SPATA13: variants seen among roughly 807,000 people sequenced by gnomAD.
The protein encoded by SPATA13 is spermatogenesis associated 13, also known as spermatogenesis-associated protein 13.
A neutral mutation model predicts 104.0 loss-of-function variants in SPATA13; 50 were observed. The ratio of observed to expected loss-of-function variants is 0.48; its 90% CI spans 0.38 to 0.61. The LOEUF (loss-of-function observed/expected upper bound fraction) is 0.61, where lower values mean the gene tolerates loss of function less well. SPATA13 is among the 20% of genes least tolerant of loss of function. SPATA13 has a pLI of 0.00. For missense variants in SPATA13, 1,524 were observed against 1,690.6 expected, an observed-to-expected ratio of 0.90 and a Z score of 1.73; for synonymous variants, 606 against 667.5, an observed-to-expected ratio of 0.91 and a Z score of 1.42.
intron 2 of SPATA13, among the ~76,000 whole-genome samples, chr13:24,236,595 CAAAAAA>C (rs60473362): frequency 6.8e-5 from 8 of 118,178 alleles, no homozygotes; most frequent in Admixed American, 2.6e-4. Flanking sequence ...GACTCCATCT[CAAAAAA>C]AAAAAAAAAA....
rs567936919 is a variant in SPATA13, at chr13:24,060,791, G to A, written c.-112+43090G>A. ...AAAATGGACAAATGCGGCTGGGCAC[G>A]CTGGCTCATGCCTGTAATCCCAGTA... On this transcript the variant is annotated intron_variant, in intron 3 of 14. Transcript: ENST00000424834. Among the ~76,000 whole-genome samples the A allele has an allele frequency of 2.6e-5, 4 of 152,330 alleles. No homozygotes were observed. The East Asian group carries it at 7.7e-4, about 29-fold the overall frequency.
chr13:24,103,138 G>C (rs1593330715), intron 3 of SPATA13, among the ~76,000 whole-genome samples: 1 of 152,240 alleles, frequency 6.6e-6, no homozygotes, highest in East Asian at 1.9e-4. Context: ...AGAATCTCAT[G>C]AACTTCACTT....
rs575008681 is a variant in SPATA13 at position 24,208,322 on chromosome 13, C to T, written c.-111-14497C>T. On this transcript the variant is annotated intron_variant, in intron 1 of 12. Coordinates refer to ENST00000382108, the MANE Select transcript of SPATA13 (RefSeq NM_001166271.3). ...TGATAATAACCTGTGTTCCATATTC[C>T]TGTTAATTAGATGCAAAGTGGTTCC... 4.3e-4 allele frequency among the ~76,000 whole-genome samples: 65 copies of T among 152,304 alleles called. No individual in the cohort carries two copies. In the South Asian group the frequency reaches 0.011, roughly 27 times the overall value.
chr13:24,278,809 C>T (rs749509625), intron 4 of SPATA13: 8 of 1,598,914 alleles, frequency 5.0e-6, no homozygotes, highest in East Asian at 2.2e-5. Context: ...ATGTGCATCG[C>T]TATCATTTGA....
chr13:23,999,205 G>C (rs1374907332), intron 2 of SPATA13, among the ~76,000 whole-genome samples: 1 of 151,948 alleles, frequency 6.6e-6, no homozygotes, highest in Admixed American at 6.6e-5. Flanking sequence ...GGGATTACAG[G>C]CATGAGCCAC....
intron 1 of SPATA13, among the ~76,000 whole-genome samples, chr13:24,194,043 C>T (rs1366567507): frequency 6.6e-6 from 1 of 152,170 alleles, no homozygotes; most frequent in African/African-American, 2.4e-5. Context: ...CCCATCTTCC[C>T]AACTTTGCAT....
At chr13:24,153,245 G>A (rs1335566758) in intron 3 of SPATA13, among the ~76,000 whole-genome samples, 1 of 152,182 alleles carries the variant, frequency 6.6e-6, no homozygotes, top group East Asian at 1.9e-4. Flanking sequence ...TTTCCAATAG[G>A]CCCTGGTGGT....
At chr13:24,115,559 C>G (rs542457180) in intron 3 of SPATA13, among the ~76,000 whole-genome samples, 2 of 152,356 alleles carry the variant, frequency 1.3e-5, no homozygotes, top group South Asian at 4.1e-4. Flanking sequence ...CAGTTTCATC[C>G]CCAAACCATC....
intron 2 of SPATA13, among the ~76,000 whole-genome samples, chr13:24,229,912 A>G (rs1872166343): frequency 6.6e-6 from 1 of 152,226 alleles, no homozygotes; most frequent in South Asian, 2.1e-4. Context: ...CAATTCCATA[A>G]AAGTGGTAAA....
intron 1 of SPATA13, among the ~76,000 whole-genome samples, chr13:24,196,183 G>A (rs570627178): frequency 6.6e-6 from 1 of 152,178 alleles, no homozygotes; most frequent in African/African-American, 2.4e-5. Context: ...AATTTGATGA[G>A]GAGTATCATA....
At chr13:24,293,627 A>T (rs952983863) in intron 9 of SPATA13, among the ~76,000 whole-genome samples, 3 of 152,236 alleles carry the variant, frequency 2.0e-5, no homozygotes, top group Non-Finnish European at 4.4e-5. Flanking sequence ...AAACCATTAC[A>T]ATTTAGTTTT....
At chr13:24,119,380 A>G (rs1434026295) in intron 3 of SPATA13, among the ~76,000 whole-genome samples, 1 of 152,194 alleles carries the variant, frequency 6.6e-6, no homozygotes, top group Non-Finnish European at 1.5e-5. Flanking sequence ...ATTCAACAGA[A>G]AAGTTTTCAA....
chr13:24,180,761 AT>A (rs927314281), intron 1 of SPATA13, among the ~76,000 whole-genome samples: 6 of 151,498 alleles, frequency 4.0e-5, no homozygotes, highest in Admixed American at 6.6e-5. Flanking sequence ...AGTTTTCATA[AT>A]TTTTTTTTGA....
intron 3 of SPATA13, among the ~76,000 whole-genome samples, chr13:24,136,330 G>T (rs943065406): frequency 2.6e-5 from 4 of 152,100 alleles, no homozygotes; most frequent in African/African-American, 9.7e-5. Flanking sequence ...TACAAAATTA[G>T]CCGGGTGTGG....
intron 3 of SPATA13, among the ~76,000 whole-genome samples, chr13:24,069,108 C>A (rs1879070559): frequency 6.6e-6 from 1 of 152,070 alleles, no homozygotes; most frequent in African/African-American, 2.4e-5. Context: ...TGTTTGGGCT[C>A]TTTTTTGATT....
At chr13:24,270,741 G>C in intron 4 of SPATA13, 6 of 1,564,998 alleles carry the variant, frequency 3.8e-6, no homozygotes, top group Non-Finnish European at 5.2e-6. Context: ...CAGTGAATAA[G>C]CGATTTCTGC....
intron 1 of SPATA13, among the ~76,000 whole-genome samples, chr13:24,170,845 A>G (rs1488696645): frequency 6.6e-6 from 1 of 152,080 alleles, no homozygotes; most frequent in African/African-American, 2.4e-5. Flanking sequence ...TACAAACAAC[A>G]GCAACTCCGA....
intron 2 of SPATA13, among the ~76,000 whole-genome samples, chr13:24,244,903 G>A (rs1873033429): frequency 6.6e-6 from 1 of 152,138 alleles, no homozygotes; most frequent in Non-Finnish European, 1.5e-5. Flanking sequence ...AGTTAAAAGG[G>A]CAGCAATTCC....
chr13:23,987,921 T>C (rs1645731173), intron 2 of SPATA13, among the ~76,000 whole-genome samples: 1 of 151,908 alleles, frequency 6.6e-6, no homozygotes, highest in Non-Finnish European at 1.5e-5. Flanking sequence ...AGGTATGTTG[T>C]GGCATATGTC....
Sources: gnomAD v4.1 joint callset for allele counts (sites outside exome capture counted in the v4.1 genomes callset) on GRCh38, gnomAD v4.1.1 for gene constraint, MANE v1.5 for transcripts, NCBI Gene and HGNC (gene_info 2026-07-23, HGNC 2026-07-21) for gene names.